The following DLGAP2 variants were observed in gnomAD, a reference collection of about 807,000 sequenced individuals.
The protein encoded by DLGAP2 is DLG associated protein 2.
Under a neutral mutation model 100.3 loss-of-function variants are expected in DLGAP2, and 26 were observed. That is an observed-to-expected ratio of 0.26 (90% CI 0.19 to 0.36). The LOEUF (loss-of-function observed/expected upper bound fraction) is 0.36. Among genes scored for constraint, DLGAP2 ranks in the 10% least tolerant of loss-of-function variants. DLGAP2 has a pLI of 1.00. For synonymous variants in DLGAP2, 886 were observed against 630.1 expected (o/e 1.41, Z -6.08); for missense variants, 1,858 against 1,453.2 (o/e 1.28, Z -4.53).
chr8:1,240,063 T>C (rs1798751765), intron 2 of DLGAP2, among the ~76,000 whole-genome samples: 1 of 151,292 alleles, frequency 6.6e-6, no homozygotes, highest in Admixed American at 6.6e-5. Flanking sequence ...GCGCCGTGTC[T>C]AGTTATCTCA....
chr8:1,616,105 C>G (rs1220856334), intron 6 of DLGAP2, among the ~76,000 whole-genome samples: 1 of 151,952 alleles, frequency 6.6e-6, no homozygotes, highest in East Asian at 1.9e-4. Context: ...ACCACAATAT[C>G]TGAAATGAAA....
chr8:856,743 G>T (rs905362648), intron 1 of DLGAP2, among the ~76,000 whole-genome samples: 1 of 152,174 alleles, frequency 6.6e-6, no homozygotes, highest in African/African-American at 2.4e-5. Flanking sequence ...TAAGTAATGG[G>T]GAGGCACCCC....
At chr8:1,168,963 A>G (rs1469541805) in intron 2 of DLGAP2, among the ~76,000 whole-genome samples, 3 of 144,770 alleles carry the variant, frequency 2.1e-5, no homozygotes, top group Non-Finnish European at 3.0e-5. Context: ...GCCCATGCCT[A>G]TGTCCTGAAT....
chr8:1,132,263 T>A (rs991070058), intron 2 of DLGAP2, among the ~76,000 whole-genome samples: 7 of 152,204 alleles, frequency 4.6e-5, no homozygotes, highest in Non-Finnish European at 1.5e-5. Context: ...TTTTGGTGAT[T>A]TTTATTGCAA....
intron 2 of DLGAP2, among the ~76,000 whole-genome samples, chr8:962,773 G>A (rs1387658272): frequency 6.6e-6 from 1 of 152,208 alleles, no homozygotes; most frequent in East Asian, 1.9e-4. Flanking sequence ...TCACGGCAGG[G>A]AGCATGGCCC....
intron 3 of DLGAP2, among the ~76,000 whole-genome samples, chr8:1,387,303 A>G (rs529066785): frequency 1.3e-5 from 2 of 152,382 alleles, no homozygotes; most frequent in Admixed American, 1.3e-4. Context: ...AAGTGTATAC[A>G]TGAAAAATTA....
chr8:1,463,656 A>C (rs113071059), intron 3 of DLGAP2, among the ~76,000 whole-genome samples: 4 of 152,346 alleles, frequency 2.6e-5, no homozygotes, highest in African/African-American at 9.6e-5. Context: ...CGGGATACCC[A>C]AATCTCACTT....
At chr8:858,308 A>G (rs1461500270) in intron 1 of DLGAP2, among the ~76,000 whole-genome samples, 2 of 152,368 alleles carry the variant, frequency 1.3e-5, no homozygotes, top group South Asian at 2.1e-4. Flanking sequence ...GCACGTGACT[A>G]CGTGAAAGAA....
intron 1 of DLGAP2, among the ~76,000 whole-genome samples, chr8:844,922 A>G (rs563115388): frequency 2.0e-5 from 3 of 152,318 alleles, no homozygotes; most frequent in South Asian, 4.1e-4. Flanking sequence ...TGTAAACAGA[A>G]TCATACAATA....
intron 2 of DLGAP2, among the ~76,000 whole-genome samples, chr8:1,001,764 C>A (rs1456461757): frequency 6.6e-6 from 1 of 152,148 alleles, no homozygotes; most frequent in Non-Finnish European, 1.5e-5. Context: ...GAATGTCCTT[C>A]CTCCACTCCC....
intron 3 of DLGAP2, among the ~76,000 whole-genome samples, chr8:1,312,720 A>G (rs1428250881): frequency 1.3e-5 from 2 of 152,246 alleles, no homozygotes; most frequent in African/African-American, 4.8e-5. Flanking sequence ...TTAAATGCAC[A>G]TACCTTTTGA....
intron 2 of DLGAP2, among the ~76,000 whole-genome samples, chr8:1,160,520 C>T (rs184685944): frequency 1.5e-4 from 23 of 152,308 alleles, no homozygotes; most frequent in African/African-American, 5.3e-4. Flanking sequence ...CTGAGAAGGA[C>T]GTGGTCCACG....
intron 13 of DLGAP2, among the ~76,000 whole-genome samples, chr8:1,694,506 A>C (rs1799331023): frequency 6.6e-6 from 1 of 152,180 alleles, no homozygotes; most frequent in Non-Finnish European, 1.5e-5. Context: ...GGCTTGTGAC[A>C]CAACCAGAAG....
At chr8:1,303,736 C>T (rs890190503) in intron 3 of DLGAP2, among the ~76,000 whole-genome samples, 1 of 152,116 alleles carries the variant, frequency 6.6e-6, no homozygotes, top group African/African-American at 2.4e-5. Flanking sequence ...GGCATTTTCT[C>T]CTCTGGTCTC....
At chr8:816,531 A>G (rs750413028) in intron 1 of DLGAP2, among the ~76,000 whole-genome samples, 3 of 152,170 alleles carry the variant, frequency 2.0e-5, no homozygotes, top group Non-Finnish European at 2.9e-5. Context: ...GTTTTGTTTA[A>G]GGAGGCTAAA....
intron 8 of DLGAP2, among the ~76,000 whole-genome samples, chr8:1,641,551 T>G (rs1797899119): frequency 6.6e-6 from 1 of 152,098 alleles, no homozygotes; most frequent in Non-Finnish European, 1.5e-5. Context: ...TGACTCATAG[T>G]CCAGGGCTCT....
chr8:859,606 T>C (rs932087683), intron 1 of DLGAP2, among the ~76,000 whole-genome samples: 56 of 152,332 alleles, frequency 3.7e-4, no homozygotes, highest in South Asian at 2.1e-4. Context: ...GCTGGCTAGC[T>C]GGACGTTAGA....
At chr8:1,242,888 G>T (rs1414722470) in intron 2 of DLGAP2, among the ~76,000 whole-genome samples, 1 of 151,204 alleles carries the variant, frequency 6.6e-6, no homozygotes, top group Non-Finnish European at 1.5e-5. Flanking sequence ...AGACAGACAG[G>T]TGAATCCATG....
chr8:1,482,456 AT>A (rs1718503728), intron 3 of DLGAP2, among the ~76,000 whole-genome samples: 1 of 152,260 alleles, frequency 6.6e-6, no homozygotes, highest in South Asian at 2.1e-4. Context: ...TGTATTAAAA[AT>A]AATCACAGAA....
Sources: gnomAD v4.1 joint callset for allele counts (sites outside exome capture counted in the v4.1 genomes callset) on GRCh38, gnomAD v4.1.1 for gene constraint, MANE v1.5 for transcripts, NCBI Gene and HGNC (gene_info 2026-07-23, HGNC 2026-07-21) for gene names.